Variants in ZNF236 observed in about 807,000 individuals in gnomAD.
The protein encoded by ZNF236 is zinc finger protein 236, also known as regulated by glucose.
In ZNF236, 50 loss-of-function variants were observed where a neutral mutation model predicts 191.2. That is an observed-to-expected ratio of 0.26 (90% confidence interval 0.21 to 0.33). ZNF236 has a LOEUF of 0.33. ZNF236 is among the 10% of genes least tolerant of loss of function. The pLI is 1.00. For synonymous variants in ZNF236, 907 were observed against 928.8 expected (o/e 0.98, Z 0.43); for missense variants, 1,754 against 2,374.5 (o/e 0.74, Z 5.43).
chr18:76,891,480 C>T (rs1418103387), intron 9 of ZNF236, among the ~76,000 whole-genome samples: 1 of 152,136 alleles, frequency 6.6e-6, no homozygotes. Flanking sequence ...TCAAGTGATC[C>T]TACTGCTTCA....
In ZNF236 at chr18:76,925,126, G is replaced by A; in HGVS notation, c.3662-63G>A. 1 of 1,565,568 alleles carries A rather than the reference G, an allele frequency of 6.4e-7. No individual in the cohort carries two copies. The highest frequency in any genetic ancestry group is 8.6e-7 in the Non-Finnish European group (1 of 1,156,340). Reference sequence around the variant, plus strand: ...TTTACATCCATAGTGACAGCTGAGTGGGGTGGGGGTGAGTGTCGCGACTGC... The same window carrying A: ...TTTACATCCATAGTGACAGCTGAGTAGGGTGGGGGTGAGTGTCGCGACTGC... On this transcript the variant is annotated intron_variant, in intron 21 of 30. Transcript: ENST00000320610. This position sits in a 1 kb window ranked among gnomAD's most constrained non-coding sequence, Gnocchi z 5.7.
intron 20 of ZNF236, among the ~76,000 whole-genome samples, chr18:76,921,737 C>CT (rs11380490): frequency 0.039 from 3,833 of 97,998 alleles, 289 homozygotes; most frequent in East Asian, 0.24. Context: ...GTGGGATGTT[C>CT]TTTTTTTTTT....
intron 9 of ZNF236, among the ~76,000 whole-genome samples, chr18:76,889,099 G>A (rs897941217): frequency 6.6e-6 from 1 of 152,204 alleles, no homozygotes; most frequent in Admixed American, 6.5e-5. Flanking sequence ...CAGCCATATT[G>A]AACTGGAGGT....
At chr18:76,943,408 A>T (rs895636494) in intron 26 of ZNF236, among the ~76,000 whole-genome samples, 1 of 152,188 alleles carries the variant, frequency 6.6e-6, no homozygotes, top group Non-Finnish European at 1.5e-5. Flanking sequence ...TGACAGTTTT[A>T]TCAGGAGGTG....
intron 1 of ZNF236, among the ~76,000 whole-genome samples, chr18:76,832,949 TA>T (rs1471827911): frequency 6.6e-6 from 1 of 152,240 alleles, no homozygotes; most frequent in African/African-American, 2.4e-5. Context: ...TTGTTAAATT[TA>T]CTCCTAGATA....
At chr18:76,906,239 C>T (rs1026006686) in intron 13 of ZNF236, among the ~76,000 whole-genome samples, 5 of 152,284 alleles carry the variant, frequency 3.3e-5, no homozygotes, top group South Asian at 4.1e-4. Flanking sequence ...ACAGAATTGA[C>T]GTTTTTGATT....
chr18:76,906,205 G>A (rs964137040), intron 13 of ZNF236, among the ~76,000 whole-genome samples: 1 of 152,178 alleles, frequency 6.6e-6, no homozygotes, highest in Non-Finnish European at 1.5e-5. Flanking sequence ...TGATATTATT[G>A]ATCTGACTGC....
intron 26 of ZNF236, among the ~76,000 whole-genome samples, chr18:76,946,245 T>C (rs1238414017): frequency 6.6e-6 from 1 of 152,206 alleles, no homozygotes; most frequent in Non-Finnish European, 1.5e-5. Flanking sequence ...AAGGGGAGTT[T>C]CCCTGCACAA....
Position 76,880,395 on chromosome 18 carries a change from T to C in ZNF236, c.1188+79T>C. The C allele has an allele frequency of 7.2e-7, 1 of 1,398,002 alleles. No homozygotes were observed. The allele number at this position is 1,398,002 out of a possible 1,614,324, so 86.6% of individuals were successfully genotyped here. A position where few individuals can be genotyped will look rare whatever the true frequency, so the allele number is the denominator to read the frequency against. ...ACCAGGGATGATAATTGAGAATAAATCTGCAGGGCTTGTCAAAGTCAGGGT... is the reference window on the plus strand; with the variant it reads ...ACCAGGGATGATAATTGAGAATAAACCTGCAGGGCTTGTCAAAGTCAGGGT... On this transcript the variant is annotated intron_variant, in intron 8 of 30. Transcript: ENST00000320610. The surrounding 1 kb of genome is among the most constrained non-coding windows in gnomAD (Gnocchi z 5.0).
chr18:76,880,084 T>C lies in ZNF236; in HGVS notation c.985-29T>C. 6.4e-7 allele frequency: 1 copy of C among 1,574,498 alleles called. No homozygotes were observed. The highest frequency in any genetic ancestry group is 1.2e-5 in the South Asian group (1 of 85,554). ...TTTTAAATTGAAGAGCAAAATTGTA[T>C]TTTTAATGAAAATGTTTCTGTGTTT... is the stretch of plus-strand genomic sequence containing the variant. On this transcript the variant is annotated intron_variant, in intron 7 of 30. Coordinates refer to ENST00000320610, the MANE Select transcript of ZNF236 (RefSeq NM_001306089.2). This position sits in a 1 kb window ranked among gnomAD's most constrained non-coding sequence, Gnocchi z 5.0.
intron 25 of ZNF236, among the ~76,000 whole-genome samples, chr18:76,928,990 C>T (rs1056988274): frequency 6.7e-6 from 1 of 149,068 alleles, no homozygotes; most frequent in African/African-American, 2.5e-5. Flanking sequence ...AAACACGCTC[C>T]GTGGAGATCT....
chr18:76,822,987 C>A (rs1378013138), intron 1 of ZNF236, among the ~76,000 whole-genome samples: 1 of 149,114 alleles, frequency 6.7e-6, no homozygotes, highest in African/African-American at 2.4e-5. Flanking sequence ...CTGCCGCGGC[C>A]CGCGCTGAAC....
chr18:76,948,013 G>A (rs1968308241), intron 27 of ZNF236, among the ~76,000 whole-genome samples: 1 of 152,128 alleles, frequency 6.6e-6, no homozygotes, highest in Non-Finnish European at 1.5e-5. Context: ...TTCTTCTGCA[G>A]ATTTTCTAGT....
At chr18:76,879,657 T>G (rs1976821074) in intron 7 of ZNF236, among the ~76,000 whole-genome samples, 1 of 152,228 alleles carries the variant, frequency 6.6e-6, no homozygotes, top group African/African-American at 2.4e-5. Context: ...TTCCTCTGAC[T>G]TAGGTTTTCT....
chr18:76,849,699 G>C, intron 2 of ZNF236, 31 bp downstream of exon 2: 1 of 1,471,190 alleles, frequency 6.8e-7, no homozygotes, highest in East Asian at 2.5e-5. Context: ...TGTCAGGAAT[G>C]TGAGCGTTGA....
At chr18:76,948,426 T>G (rs1184188586) in intron 27 of ZNF236, among the ~76,000 whole-genome samples, 1 of 152,196 alleles carries the variant, frequency 6.6e-6, no homozygotes, top group Non-Finnish European at 1.5e-5. Flanking sequence ...TTGTATAACT[T>G]TAGCACATTT....
At chr18:76,937,722 T>G (rs1350645761) in intron 26 of ZNF236, among the ~76,000 whole-genome samples, 1 of 152,190 alleles carries the variant, frequency 6.6e-6, no homozygotes, top group African/African-American at 2.4e-5. Context: ...AAGGGCATTA[T>G]GTTGTATTCA....
intron 1 of ZNF236, among the ~76,000 whole-genome samples, chr18:76,840,398 G>A (rs936795380): frequency 8.5e-5 from 13 of 152,102 alleles, no homozygotes; most frequent in African/African-American, 2.9e-4. Context: ...GAAGGCTGAG[G>A]CAGGAGAATC....
Position 76,880,164 on chromosome 18 carries a change from T to C in ZNF236, c.1036T>C (p.Ser346Pro). 6.2e-7 allele frequency: 1 copy of C among 1,614,136 alleles called. No individual in the cohort carries two copies. Among genetic ancestry groups the C allele is most frequent in the Non-Finnish European group, 8.5e-7 (1 of 1,180,000 alleles). ...TCAACAGACGGAAGCCCAAGCCACG[T>C]CGGCCTCAAGCCAGCCGAGCTCCCA... ...PLQQTEAQAT[S>P]ASSQPSSQAV... The change falls in exon 8 of 31, where the codon TCG becomes CCG. Residue 346 changes from serine (S) to proline (P), a missense_variant. Ser to Pro is a moderately conservative substitution (Grantham distance 74). Coordinates refer to ENST00000320610, the MANE Select transcript of ZNF236 (RefSeq NM_001306089.2). This position sits in a 1 kb window ranked among gnomAD's most constrained non-coding sequence, Gnocchi z 5.0.
Sources: gnomAD v4.1 joint callset for allele counts (sites outside exome capture counted in the v4.1 genomes callset) on GRCh38, gnomAD v4.1.1 for gene constraint, Gnocchi (gnomAD v3.1) non-coding constraint, MANE v1.5 for transcripts, NCBI Gene and HGNC (gene_info 2026-07-23, HGNC 2026-07-21) for gene names.